SARNP: variants seen among roughly 807,000 people sequenced by gnomAD.
SARNP encodes SAP domain-containing ribonucleoprotein.
Under a neutral mutation model 38.1 loss-of-function variants are expected in SARNP, and 5 were observed. That is an observed-to-expected ratio of 0.13 (90% CI 0.07 to 0.28). SARNP has a LOEUF of 0.28. Among genes scored for constraint, SARNP ranks in the 10% least tolerant of loss-of-function variants. The probability of loss-of-function intolerance (pLI) is 1.00; values close to 1 mark genes in which losing one functional copy is unlikely to be tolerated. For missense variants in SARNP, 180 were observed against 243.9 expected (o/e 0.74, Z 1.75); for synonymous variants, 84 against 80.6 (o/e 1.04, Z -0.23).
At chr12:55,817,060 C>T (rs907750770) in intron 1 of SARNP, among the ~76,000 whole-genome samples, 3 of 152,156 alleles carry the variant, frequency 2.0e-5, no homozygotes, top group African/African-American at 7.2e-5. Context: ...TCTGAGGTGT[C>T]TGTACTTCTA....
intron 1 of SARNP, among the ~76,000 whole-genome samples, chr12:55,804,840 G>C (rs1310370489): frequency 3.3e-5 from 5 of 152,168 alleles, no homozygotes; most frequent in Non-Finnish European, 5.9e-5. Context: ...ACAGATCTAT[G>C]ACCAATCAGT....
chr12:55,807,032 A>C (rs1880166687), intron 1 of SARNP, among the ~76,000 whole-genome samples: 1 of 152,094 alleles, frequency 6.6e-6, no homozygotes, highest in African/African-American at 2.4e-5. Flanking sequence ...AACTCAAGAA[A>C]TCCTCCCACC....
chr12:55,764,408 G>A (rs1317807173), intron 9 of SARNP, among the ~76,000 whole-genome samples: 4 of 151,932 alleles, frequency 2.6e-5, no homozygotes, highest in Non-Finnish European at 4.4e-5. Context: ...GCGCATGCCT[G>A]TAATCCCAGC....
chr12:55,795,681 C>T (rs572972935), intron 5 of SARNP, among the ~76,000 whole-genome samples: 47 of 152,268 alleles, frequency 3.1e-4, no homozygotes, highest in Non-Finnish European at 4.6e-4. Flanking sequence ...AGAGAAATTT[C>T]AATCTCAGCT....
chr12:55,813,539 A>ATTTTTT (rs11412761), intron 1 of SARNP, among the ~76,000 whole-genome samples: 1 of 108,086 alleles, frequency 9.3e-6, no homozygotes, highest in Non-Finnish European at 1.7e-5. Flanking sequence ...GCTGCCTGGA[A>ATTTTTT]TTTTTTTTTT....
At chr12:55,811,723 T>C (rs1288055705) in intron 1 of SARNP, among the ~76,000 whole-genome samples, 6 of 152,182 alleles carry the variant, frequency 3.9e-5, no homozygotes, top group Admixed American at 1.3e-4. Flanking sequence ...CTCAGCCTCC[T>C]TGCTAGCTCT....
At chr12:55,791,734 T>C (rs1217311283) in intron 7 of SARNP, among the ~76,000 whole-genome samples, 2 of 152,076 alleles carry the variant, frequency 1.3e-5, no homozygotes, top group East Asian at 1.9e-4. Context: ...AAAGAAATTA[T>C]GGCTCCTTAA....
chr12:55,815,645 G>A (rs1880459428), intron 1 of SARNP, among the ~76,000 whole-genome samples: 1 of 151,968 alleles, frequency 6.6e-6, no homozygotes, highest in South Asian at 2.1e-4. Context: ...TGCATTTTTG[G>A]TAGAGGCGGG....
chr12:55,787,778 T>G (rs931989097), intron 9 of SARNP, among the ~76,000 whole-genome samples: 3 of 149,814 alleles, frequency 2.0e-5, no homozygotes, highest in Non-Finnish European at 4.4e-5. Flanking sequence ...AGACGGAGTC[T>G]CGCTCTGTCG....
At chr12:55,811,986 C>CA (rs1447425411) in intron 1 of SARNP, among the ~76,000 whole-genome samples, 3 of 152,206 alleles carry the variant, frequency 2.0e-5, no homozygotes, top group African/African-American at 7.2e-5. Flanking sequence ...AACAAAGTAA[C>CA]AGAGTGATCT....
chr12:55,787,259 T>G (rs979944337), intron 9 of SARNP, among the ~76,000 whole-genome samples: 4 of 119,516 alleles, frequency 3.3e-5, no homozygotes, highest in African/African-American at 2.1e-4. Flanking sequence ...AAAAAAAAAG[T>G]TAACGTAAAT....
At chr12:55,786,436 G>A (rs1169510231) in intron 9 of SARNP, among the ~76,000 whole-genome samples, 1 of 55,278 alleles carries the variant, frequency 1.8e-5, no homozygotes, top group East Asian at 4.8e-4. Context: ...GTGAGCTTTG[G>A]TTTGTTTGTT....
At chr12:55,798,315 C>G (rs984300117) in intron 4 of SARNP, among the ~76,000 whole-genome samples, 1 of 151,972 alleles carries the variant, frequency 6.6e-6, no homozygotes, top group Non-Finnish European at 1.5e-5. Context: ...CTGGCAAACA[C>G]GGCGAAACCC....
At position 55,815,566 on chromosome 12, in the gene SARNP, C is replaced by T. The variant is rs148364227; in HGVS notation, c.36+2100G>A. ...AACCCGGGCTCAAGCGATTCTTGTG[C>T]CTCAGCCTCCTCACAGCCTCCTCAA... is the stretch of plus-strand genomic sequence containing the variant. On this transcript the variant is annotated intron_variant, in intron 1 of 10. Coordinates refer to ENST00000336133, the MANE Select transcript of SARNP (RefSeq NM_033082.4). Among the ~76,000 whole-genome samples, 543 of 152,300 alleles carry T rather than the reference C, an allele frequency of 3.6e-3. 5 individuals carry two copies. The highest frequency in any genetic ancestry group is 0.013 in the African/African-American group (524 of 41,550).
rs146791136 is a variant in SARNP, at chr12:55,801,258, C to T, written c.137-358G>A. 6.9e-3 allele frequency among the ~76,000 whole-genome samples: 1,045 copies of T among 152,200 alleles called. 14 individuals are homozygous for T. The highest frequency in any genetic ancestry group is 0.024 in the African/African-American group (986 of 41,518). On this transcript the variant is annotated intron_variant, in intron 2 of 10. Transcript: ENST00000336133. ...GTTCAAGCGACCAGCTTGGGGAACACAGCGAAACCCCGTCTTTACAAAAAA... is the reference window on the plus strand; with the variant it reads ...GTTCAAGCGACCAGCTTGGGGAACATAGCGAAACCCCGTCTTTACAAAAAA...
intron 1 of SARNP, among the ~76,000 whole-genome samples, chr12:55,808,541 C>T (rs1202777965): frequency 6.6e-6 from 1 of 152,132 alleles, no homozygotes; most frequent in Non-Finnish European, 1.5e-5. Context: ...AGGTGATCCA[C>T]CCGCCTCGGC....
intron 10 of SARNP, among the ~76,000 whole-genome samples, chr12:55,759,927 A>G (rs1463710489): frequency 2.1e-5 from 3 of 145,402 alleles, no homozygotes; most frequent in African/African-American, 7.7e-5. Flanking sequence ...TAGTAGAGAC[A>G]GGGTTTCTCC....
At chr12:55,796,351 A>G (rs1879819704) in intron 4 of SARNP, among the ~76,000 whole-genome samples, 1 of 152,236 alleles carries the variant, frequency 6.6e-6, no homozygotes, top group Non-Finnish European at 1.5e-5. Flanking sequence ...GCTGAAGGGA[A>G]ACACTCAAAG....
chr12:55,806,899 T>C (rs1880162132), intron 1 of SARNP, among the ~76,000 whole-genome samples: 1 of 152,234 alleles, frequency 6.6e-6, no homozygotes, highest in Non-Finnish European at 1.5e-5. Context: ...ATGCTTTATA[T>C]TTATTAAGTA....
Sources: gnomAD v4.1 joint callset for allele counts (sites outside exome capture counted in the v4.1 genomes callset) on GRCh38, gnomAD v4.1.1 for gene constraint, MANE v1.5 for transcripts, NCBI Gene and HGNC (gene_info 2026-07-23, HGNC 2026-07-21) for gene names.